LNPEP: variants seen among roughly 807,000 people sequenced by gnomAD.
LNPEP encodes the protein leucyl and cystinyl aminopeptidase, also known as leucyl-cystinyl aminopeptidase.
Under a neutral mutation model 120.6 loss-of-function variants are expected in LNPEP, and 64 were observed. The ratio of observed to expected loss-of-function variants is 0.53; its 90% CI spans 0.43 to 0.65. The LOEUF (loss-of-function observed/expected upper bound fraction) is 0.65. Ranked by LOEUF, LNPEP falls within the 30% of genes least tolerant of loss-of-function variation. LNPEP has a pLI of 0.00. For synonymous variants in LNPEP, 435 were observed against 425.4 expected (o/e 1.02, Z -0.28); for missense variants, 1,057 against 1,200.0 (o/e 0.88, Z 1.76).
At chr5:96,947,698 A>G (rs987922119) in intron 1 of LNPEP, among the ~76,000 whole-genome samples, 2 of 152,196 alleles carry the variant, frequency 1.3e-5, no homozygotes, top group Admixed American at 6.5e-5. Context: ...CTCCGTGGTT[A>G]TTATTACAAC....
At chr5:96,944,029 A>G (rs1056083558) in intron 1 of LNPEP, among the ~76,000 whole-genome samples, 8 of 152,154 alleles carry the variant, frequency 5.3e-5, no homozygotes, top group East Asian at 3.9e-4. Flanking sequence ...GGATGCCTCT[A>G]TGGGTTGGGT....
At chr5:96,936,319 A>T (rs1788868055) in intron 1 of LNPEP, 145 bp downstream of exon 1, 4 of 297,638 alleles carry the variant, frequency 1.3e-5, no homozygotes, top group East Asian at 8.4e-5. Flanking sequence ...GGGAGAGGGG[A>T]TCTGGGGGAG....
Position 97,035,769 on chromosome 5 carries a change from G to A in LNPEP, c.*7236G>A. 1 of 152,178 alleles carries A rather than the reference G, an allele frequency of 6.6e-6. No homozygotes were observed. The highest frequency in any genetic ancestry group is 1.5e-5 in the Non-Finnish European group (1 of 68,022). 9.4% of individuals were successfully genotyped at this position (152,178 alleles called of 1,614,324 possible). A position where few individuals can be genotyped will look rare whatever the true frequency, so the allele number is the denominator to read the frequency against. On this transcript the variant is annotated 3_prime_UTR_variant, in exon 18 of 18. Coordinates refer to ENST00000231368, the MANE Select transcript of LNPEP (RefSeq NM_005575.3). ...CCTACTAAATCCCTGCCATCTGGCT[G>A]GAAGGTGTAGCAGTGTATTAATGTA...
chr5:97,007,285 G>A (rs1026447678), intron 11 of LNPEP, among the ~76,000 whole-genome samples: 1 of 152,148 alleles, frequency 6.6e-6, no homozygotes, highest in Non-Finnish European at 1.5e-5. Flanking sequence ...GTGTAGCTTA[G>A]TGGTAAGAGA....
chr5:96,959,972 T>A (rs1295037533), intron 1 of LNPEP, among the ~76,000 whole-genome samples: 2 of 140,326 alleles, frequency 1.4e-5, no homozygotes, highest in African/African-American at 5.2e-5. Context: ...CAAGTCTCAC[T>A]CTTTTGCCCA....
In LNPEP at chr5:97,014,030, A is replaced by T. The variant is rs1360442635; in HGVS notation, c.2219+199A>T. ...TACGAACATACTGAACAGTTAAATG[A>T]AACAGGATTTAATAATAATTCAAGA... On this transcript the variant is annotated intron_variant, in intron 12 of 17. Transcript: ENST00000231368. Among the ~76,000 whole-genome samples, 4 of 152,178 alleles carry T rather than the reference A, an allele frequency of 2.6e-5. No homozygotes were observed. The East Asian group carries it at 5.8e-4, about 22-fold the overall frequency.
At chr5:97,024,252 A>G (rs986154004) in intron 14 of LNPEP, among the ~76,000 whole-genome samples, 1 of 152,184 alleles carries the variant, frequency 6.6e-6, no homozygotes, top group African/African-American at 2.4e-5. Context: ...AGAGGCTCTC[A>G]TTCCTTTTCC....
chr5:97,008,738 C>T (rs1344092454), intron 11 of LNPEP, among the ~76,000 whole-genome samples: 2 of 146,146 alleles, frequency 1.4e-5, no homozygotes, highest in Admixed American at 1.4e-4. Flanking sequence ...GATCTCAGCT[C>T]ACTGCAAGCT....
intron 1 of LNPEP, chr5:96,937,148 G>C (rs774394235): frequency 9.2e-5 from 14 of 152,174 alleles, no homozygotes; most frequent in Non-Finnish European, 1.5e-4. Flanking sequence ...TGCTGAGTGT[G>C]GTTGGTTACT....
chr5:97,009,893 T>C (rs969398242), intron 11 of LNPEP, among the ~76,000 whole-genome samples: 1 of 152,220 alleles, frequency 6.6e-6, no homozygotes, highest in African/African-American at 2.4e-5. Context: ...TCTTTTATGC[T>C]GTAATACTTT....
At chr5:96,938,867 CT>C (rs1788985222) in intron 1 of LNPEP, among the ~76,000 whole-genome samples, 1 of 151,318 alleles carries the variant, frequency 6.6e-6, no homozygotes, top group African/African-American at 2.4e-5. Context: ...TCTTTGGTGG[CT>C]TTTTTTATGA....
intron 12 of LNPEP, 122 bp downstream of exon 12, chr5:97,013,953 G>A (rs894434035): frequency 7.9e-6 from 5 of 630,756 alleles, no homozygotes; most frequent in African/African-American, 7.6e-5. Context: ...ACATTTTGGA[G>A]GATTGGGAAA....
chr5:96,938,275 C>T (rs1788969264), intron 1 of LNPEP, among the ~76,000 whole-genome samples: 1 of 152,146 alleles, frequency 6.6e-6, no homozygotes, highest in African/African-American at 2.4e-5. Flanking sequence ...CAGAGTATTT[C>T]ATTATCCATA....
Position 96,979,654 on chromosome 5 carries a change from T to G in LNPEP, c.536T>G (p.Leu179Arg). The change falls in exon 2 of 18, where the codon CTC (leucine) becomes CGC (arginine). Residue 179 changes from leucine (L) to arginine (R), a missense_variant. Coordinates refer to ENST00000231368, the MANE Select transcript of LNPEP (RefSeq NM_005575.3). ...GCCGTTGTGCCACTACGCTATGAAC[T>G]CAGCCTACACCCGAACCTAACCTCG... Reference protein sequence around the residue: ...PTAVVPLRYELSLHPNLTSMT... With the variant: ...PTAVVPLRYERSLHPNLTSMT... The G allele has an allele frequency of 2.5e-6, 4 of 1,614,074 alleles. No homozygotes were observed. The highest frequency in any genetic ancestry group is 3.4e-6 in the Non-Finnish European group (4 of 1,179,966).
chr5:97,014,662 T>C (rs539520903), intron 12 of LNPEP, among the ~76,000 whole-genome samples: 1 of 152,274 alleles, frequency 6.6e-6, no homozygotes, highest in East Asian at 1.9e-4. Flanking sequence ...ACCCAAGATA[T>C]TATACTTTTG....
intron 11 of LNPEP, among the ~76,000 whole-genome samples, chr5:97,008,470 C>T (rs1231188955): frequency 2.0e-5 from 3 of 146,482 alleles, no homozygotes; most frequent in Non-Finnish European, 4.5e-5. Flanking sequence ...CCTGCCTCAG[C>T]CTGCCAAGAA....
chr5:96,973,578 A>T (rs947226469), intron 1 of LNPEP, among the ~76,000 whole-genome samples: 1 of 152,124 alleles, frequency 6.6e-6, no homozygotes, highest in Non-Finnish European at 1.5e-5. Context: ...AGCATTTACA[A>T]TGGATTGGAT....
intron 13 of LNPEP, among the ~76,000 whole-genome samples, chr5:97,015,584 C>T (rs1260474542): frequency 1.3e-5 from 2 of 152,020 alleles, no homozygotes; most frequent in African/African-American, 4.8e-5. Flanking sequence ...GTATTAGAGA[C>T]CATTTTACCT....
rs772193418 is a variant in LNPEP, at chr5:97,024,662, G to A, written c.2703G>A (p.Glu901=). 1.4e-5 allele frequency: 22 copies of A among 1,613,740 alleles called. No individual in the cohort carries two copies. The highest frequency in any genetic ancestry group is 1.8e-5 in the Non-Finnish European group (21 of 1,179,894). ...NKILEALASS[E]DVRKLYWLMK... is the part of the protein sequence containing the mutation. ...TACTAGAAGCACTTGCCAGCTCAGA[G>A]GATGTGCGGAAGCTTTACTGGTATG... The change falls in exon 15 of 18, where the codon GAG becomes GAA. Residue 901 remains glutamate, a synonymous_variant. Transcript: ENST00000231368.
Sources: gnomAD v4.1 joint callset for allele counts (sites outside exome capture counted in the v4.1 genomes callset) on GRCh38, gnomAD v4.1.1 for gene constraint, MANE v1.5 for transcripts, NCBI Gene and HGNC (gene_info 2026-07-23, HGNC 2026-07-21) for gene names.